The following VWF variants were observed in gnomAD, a reference collection of about 807,000 sequenced individuals.
VWF encodes Factor VIII related antigen.
In VWF, 176 loss-of-function variants were observed where a neutral mutation model predicts 308.6. The ratio of observed to expected loss-of-function variants is 0.57; its 90% CI spans 0.50 to 0.65. The LOEUF (loss-of-function observed/expected upper bound fraction) is 0.65, where lower values mean the gene tolerates loss of function less well. Ranked by LOEUF, VWF falls within the 30% of genes least tolerant of loss-of-function variation. The pLI, the probability that VWF is intolerant of heterozygous loss-of-function variation, is 0.00. For synonymous variants in VWF, 1,385 were observed against 1,443.4 expected (o/e 0.96, Z 0.92); for missense variants, 3,146 against 3,648.2 (o/e 0.86, Z 3.55).
chr12:6,113,765 C>G (rs1945335861), intron 3 of VWF, among the ~76,000 whole-genome samples: 1 of 152,240 alleles, frequency 6.6e-6, no homozygotes, highest in African/African-American at 2.4e-5. Flanking sequence ...CCAGTTTGCA[C>G]CCTCTCCCTT....
In VWF at chr12:5,960,442, A is replaced by C. The variant is rs142799556; in HGVS notation, c.7888-6848T>G. Among the ~76,000 whole-genome samples, 210 of 152,318 alleles carry C rather than the reference A, an allele frequency of 1.4e-3. No individual in the cohort carries two copies. The Middle Eastern group carries it at 0.017, about 12-fold the overall frequency. On this transcript the variant is annotated intron_variant, in intron 47 of 51. Transcript: ENST00000261405. ...CTGCCAAACATTTTAGGAAGAAATAATACCAATTTTATATAAGCTCTTTAG... is the reference window on the plus strand; with the variant it reads ...CTGCCAAACATTTTAGGAAGAAATACTACCAATTTTATATAAGCTCTTTAG...
intron 16 of VWF, among the ~76,000 whole-genome samples, chr12:6,048,572 C>A (rs1944473046): frequency 2.0e-5 from 3 of 152,218 alleles, no homozygotes; most frequent in Non-Finnish European, 4.4e-5. Flanking sequence ...AAGCAATTCT[C>A]CGGCCTCAGC....
chr12:6,004,389 CA>C (rs1233611538), intron 34 of VWF, among the ~76,000 whole-genome samples: 3 of 151,608 alleles, frequency 2.0e-5, no homozygotes, highest in Admixed American at 6.6e-5. Flanking sequence ...TCACTCTTGA[CA>C]AAAAAACACT....
rs370799437 is a variant in VWF, at chr12:6,018,903, T to A, written c.4515A>T (p.Gly1505=). Residue 1505 remains glycine (G), a synonymous_variant, in exon 28 of 52, where the codon GGA becomes GGT. Coordinates refer to ENST00000261405, the MANE Select transcript of VWF (RefSeq NM_000552.5). ...AGTCGGCTTCACCAATTTTGTCCGA[T>A]CCTTCCAGGACGAACGCCACATCCA... ...MVLDVAFVLE[G]SDKIGEADFN... The A allele has an allele frequency of 1.9e-6, 3 of 1,613,742 alleles. No homozygotes were observed. The highest frequency in any genetic ancestry group is 1.7e-5 in the Admixed American group (1 of 59,996).
In VWF at chr12:5,949,100, A is replaced by C. The variant is rs1339157537; in HGVS notation, c.8357T>G (p.Leu2786Arg). The change falls in exon 52 of 52, where the codon CTG (leucine) becomes CGG (arginine). Residue 2786 changes from leucine (L) to arginine (R), a missense_variant. Around this residue, in one of 3 missense-constraint regions of VWF, gnomAD observed 989 missense variants for 1,117.4 expected, o/e 0.89. Coordinates refer to ENST00000261405, the MANE Select transcript of VWF (RefSeq NM_000552.5). ...CACAACAGAGCCATTGGTGCAGTGC[A>C]GGGCCACCTGCATGGGCTCCGTCCG... Reference protein sequence around the residue: ...PTRTEPMQVALHCTNGSVVYH... With the variant: ...PTRTEPMQVARHCTNGSVVYH... The C allele has an allele frequency of 6.2e-7, 1 of 1,614,248 alleles. No individual in the cohort carries two copies. The highest frequency in any genetic ancestry group is 8.5e-7 in the Non-Finnish European group (1 of 1,180,024).
chr12:6,026,987 T>C (rs11063995), intron 22 of VWF, among the ~76,000 whole-genome samples: 42,905 of 152,066 alleles, frequency 0.28, 6,821 homozygotes, highest in African/African-American at 0.42. Flanking sequence ...ACTTTTACAA[T>C]ATACTTAGAG....
At chr12:5,997,321 G>A (rs375679485) in intron 34 of VWF, among the ~76,000 whole-genome samples, 6 of 152,186 alleles carry the variant, frequency 3.9e-5, no homozygotes, top group Admixed American at 3.3e-4. Flanking sequence ...ATATTGTCAC[G>A]TCAAGGAGTC....
At chr12:5,958,817 T>C (rs1943279275) in intron 47 of VWF, among the ~76,000 whole-genome samples, 1 of 152,198 alleles carries the variant, frequency 6.6e-6, no homozygotes, top group Admixed American at 6.5e-5. Context: ...CCATATATGT[T>C]GAATGAGTGA....
intron 6 of VWF, among the ~76,000 whole-genome samples, chr12:6,087,587 G>A (rs1437717466): frequency 1.3e-5 from 2 of 149,876 alleles, no homozygotes; most frequent in South Asian, 2.2e-4. Flanking sequence ...GGATGGTCTC[G>A]ACCTCCTGAC....
In VWF at chr12:6,044,329, T is replaced by A. The variant is rs1361735958; in HGVS notation, c.2404A>T (p.Met802Leu). Residue 802 changes from methionine (M) to leucine (L), a missense_variant, in exon 18 of 52, where the codon ATG becomes TTG. This residue lies in a region of VWF where 1,304 missense variants were observed against 1,353.0 expected (regional missense o/e 0.96). Transcript: ENST00000261405. ...CQNYDLECMS[M>L]GCVSGCLCPP... The stretch of plus-strand genomic sequence containing the variant: ...CAGAGGCAGCCAGAGACACAGCCCA[T>A]GCTCATGCACTCCAGGTCATAGTTC... 6.2e-6 allele frequency: 10 copies of A among 1,614,178 alleles called. No homozygotes were observed. The East Asian group carries it at 2.2e-4, about 36-fold the overall frequency.
Position 6,088,015 on chromosome 12 carries a change from C to T in VWF, c.657+7445G>A, listed in dbSNP as rs114335608. On this transcript the variant is annotated intron_variant, in intron 6 of 51. Coordinates refer to ENST00000261405, the MANE Select transcript of VWF (RefSeq NM_000552.5). Reference sequence around the variant, plus strand: ...TGCCTCCCTGAGGAAGCCAGGCCAACACCATCACATGTCATGATGCAAGCC... The same window carrying T: ...TGCCTCCCTGAGGAAGCCAGGCCAATACCATCACATGTCATGATGCAAGCC... Among the ~76,000 whole-genome samples the T allele has an allele frequency of 4.1e-3, 632 of 152,332 alleles. 2 individuals are homozygous for T. The highest frequency in any genetic ancestry group is 0.015 in the African/African-American group (619 of 41,576).
rs1010694074 is a variant in VWF, at chr12:5,970,513, C to T, written c.7548+1086G>A. Among the ~76,000 whole-genome samples, 3 of 152,188 alleles carry T rather than the reference C, an allele frequency of 2.0e-5. No homozygotes were observed. The East Asian group carries it at 5.8e-4, about 29-fold the overall frequency. On this transcript the variant is annotated intron_variant, in intron 44 of 51. Coordinates refer to ENST00000261405, the MANE Select transcript of VWF (RefSeq NM_000552.5). The stretch of plus-strand genomic sequence containing the variant: ...CCCCTGATCTGAGCTGGACCTTGAC[C>T]CTGGGGAGAAGAAACAAAACCTGCC...
chr12:6,019,211 C>T lies in VWF; in HGVS notation c.4207G>A (p.Gly1403Ser). The T allele has an allele frequency of 6.2e-7, 1 of 1,613,940 alleles. No homozygotes were observed. Among genetic ancestry groups the T allele is most frequent in the Non-Finnish European group, 8.5e-7 (1 of 1,179,872 alleles). ...MSRNFVRYVQGLKKKKVIVIP... is the reference protein window; with the variant it reads ...MSRNFVRYVQSLKKKKVIVIP... ...ACAATGACCTTCTTCTTCTTCAGGC[C>T]CTGGACGTAGCGGACAAAGTTCCGG... is the stretch of plus-strand genomic sequence containing the variant. The change falls in exon 28 of 52, where the codon GGC becomes AGC. Residue 1403 changes from glycine (G) to serine (S), a missense_variant. Coordinates refer to ENST00000261405, the MANE Select transcript of VWF (RefSeq NM_000552.5). The surrounding 1 kb of genome is among the most constrained non-coding windows in gnomAD (Gnocchi z 5.8).
chr12:5,951,872 C>T lies in VWF; in HGVS notation c.8127G>A (p.Met2709Ile). 1.9e-6 allele frequency: 3 copies of T among 1,614,186 alleles called. No individual in the cohort carries two copies. Among genetic ancestry groups the T allele is most frequent in the Non-Finnish European group, 2.5e-6 (3 of 1,180,034 alleles). The change falls in exon 50 of 52, where the codon ATG becomes ATA. Residue 2709 changes from methionine to isoleucine, a missense_variant. By Grantham distance (10) the Met-to-Ile change is conservative. This residue lies in a region of VWF where 989 missense variants were observed against 1,117.4 expected (regional missense o/e 0.89). Transcript: ENST00000261405. ...HKCLAEGGKI[M>I]KIPGTCCDTC... ...TGTCACAGCAGGTGCCTGGAATTTT[C>T]ATAATTTTACCCTAAGAAAACAGCA...
chr12:5,950,921 T>C (rs945753658), intron 50 of VWF, among the ~76,000 whole-genome samples: 10 of 152,196 alleles, frequency 6.6e-5, no homozygotes, highest in Admixed American at 4.6e-4. Context: ...TAGAAAGACA[T>C]GCTTTCAGAG....
intron 44 of VWF, among the ~76,000 whole-genome samples, chr12:5,971,155 T>C (rs1943468696): frequency 6.6e-6 from 1 of 152,216 alleles, no homozygotes; most frequent in South Asian, 2.1e-4. Flanking sequence ...CTGTTCCTTT[T>C]CTGGGTTGTA....
intron 27 of VWF, 40 bp downstream of exon 27, chr12:6,021,860 T>C (rs764124766): frequency 1.9e-6 from 3 of 1,614,036 alleles, no homozygotes; most frequent in Non-Finnish European, 2.5e-6. Context: ...GGAGAAGCAA[T>C]AAGATTCATC....
chr12:5,980,504 C>T (rs1047279503), intron 42 of VWF, among the ~76,000 whole-genome samples: 17 of 152,008 alleles, frequency 1.1e-4, no homozygotes, highest in Non-Finnish European at 1.0e-4. Context: ...GCTTCCCCAA[C>T]AAATCAAAGG....
chr12:6,031,170 G>C (rs571873753), intron 21 of VWF, among the ~76,000 whole-genome samples: 7 of 152,260 alleles, frequency 4.6e-5, no homozygotes, highest in African/African-American at 1.4e-4. Context: ...GGTGAGCACT[G>C]GTTCTTCCCA....
Sources: gnomAD v4.1 joint callset for allele counts (sites outside exome capture counted in the v4.1 genomes callset) on GRCh38, gnomAD v4.1.1 for gene constraint, gnomAD v4.1.1 regional missense constraint, Gnocchi (gnomAD v3.1) non-coding constraint, MANE v1.5 for transcripts, NCBI Gene and HGNC (gene_info 2026-07-23, HGNC 2026-07-21) for gene names.